Variants in CDK7 observed in about 807,000 individuals in gnomAD.
CDK7 encodes the protein cyclin dependent kinase 7.
Under a neutral mutation model 49.1 loss-of-function variants are expected in CDK7, and 25 were observed. The ratio of observed to expected loss-of-function variants is 0.51; its 90% CI spans 0.37 to 0.71. The LOEUF is 0.71. CDK7 is among the 30% of genes least tolerant of loss of function. CDK7 has a pLI of 0.00. For synonymous variants in CDK7, 107 were observed against 140.0 expected, an observed-to-expected ratio of 0.76 and a Z score of 1.67; for missense variants, 316 against 411.7, an observed-to-expected ratio of 0.77 and a Z score of 2.01.
At chr5:69,246,428 C>T (rs2150192597) in intron 2 of CDK7, among the ~76,000 whole-genome samples, 1 of 152,190 alleles carries the variant, frequency 6.6e-6, no homozygotes, top group Middle Eastern at 3.4e-3. Context: ...AGCCACCGCA[C>T]CCGGCCAGAA....
intron 2 of CDK7, among the ~76,000 whole-genome samples, chr5:69,251,952 TAAC>T (rs1750172535): frequency 1.3e-5 from 2 of 152,230 alleles, no homozygotes; most frequent in Non-Finnish European, 2.9e-5. Flanking sequence ...TTATTCAGAG[TAAC>T]AACATTTTAA....
chr5:69,267,876 A>G (rs1315533265), intron 8 of CDK7, among the ~76,000 whole-genome samples: 2 of 152,212 alleles, frequency 1.3e-5, no homozygotes, highest in African/African-American at 4.8e-5. Context: ...GTGCCCTACA[A>G]AAAACAAAAG....
chr5:69,273,008 AT>A lies in CDK7; in HGVS notation c.834del (p.Phe278LeufsTer13), dbSNP rs1368492211. On this transcript the variant is annotated frameshift_variant, in exon 10 of 12. Transcript: ENST00000256443. LOFTEE classifies it high-confidence loss of function. ...LLDLIQGLFL[F>X]NPCARITATQ... ...TAGATCTCATACAAGGCTTATTCTT[AT>A]TTAATCCATGTGCTCGAATTACGGC... is the stretch of plus-strand genomic sequence containing the variant. The A allele has an allele frequency of 1.3e-6, 2 of 1,574,906 alleles. No homozygotes were observed. Among genetic ancestry groups the A allele is most frequent in the African/African-American group, 2.7e-5 (2 of 73,678 alleles).
At chr5:69,235,247 A>G in intron 1 of CDK7, 147 bp from the exon 2 acceptor site, 1 of 772,056 alleles carries the variant, frequency 1.3e-6, no homozygotes, top group Non-Finnish European at 2.2e-6. Context: ...AGTAGCCTGG[A>G]GCTGGACGGA....
chr5:69,261,808 C>T (rs1381514829), intron 7 of CDK7, among the ~76,000 whole-genome samples: 4 of 152,076 alleles, frequency 2.6e-5, no homozygotes, highest in African/African-American at 9.7e-5. Context: ...GGATTACAGG[C>T]GTGAGCCACC....
intron 6 of CDK7, among the ~76,000 whole-genome samples, chr5:69,259,585 A>G (rs769090066): frequency 1.3e-5 from 2 of 152,196 alleles, no homozygotes; most frequent in African/African-American, 2.4e-5. Context: ...CAGAAACTCT[A>G]TGAAGTATGT....
At chr5:69,269,341 GTTCT>G in intron 9 of CDK7, 48 bp downstream of exon 9, 1 of 1,316,450 alleles carries the variant, frequency 7.6e-7, no homozygotes, top group Non-Finnish European at 1.1e-6. Context: ...ACTCTGTAAA[GTTCT>G]TAAACTGTCA....
intron 10 of CDK7, 126 bp from the exon 11 acceptor site, chr5:69,276,412 ATTTTG>A (rs1752144834): frequency 1.4e-6 from 1 of 729,438 alleles, no homozygotes; most frequent in Admixed American, 2.8e-5. Context: ...CTTGACATTA[ATTTTG>A]TTTTGTTGGG....
chr5:69,235,314 T>G, intron 1 of CDK7, 80 bp from the exon 2 acceptor site: 1 of 1,108,236 alleles, frequency 9.0e-7, no homozygotes, highest in South Asian at 1.3e-5. Context: ...CTGGGCTCTT[T>G]GCTTCGCGAA....
At chr5:69,262,986 A>G (rs1580323568) in intron 8 of CDK7, among the ~76,000 whole-genome samples, 1 of 152,180 alleles carries the variant, frequency 6.6e-6, no homozygotes, top group East Asian at 1.9e-4. Flanking sequence ...TATAATACCA[A>G]CCACTGCAGC....
intron 10 of CDK7, among the ~76,000 whole-genome samples, chr5:69,273,591 C>T (rs1751790961): frequency 6.6e-6 from 1 of 152,058 alleles, no homozygotes; most frequent in Non-Finnish European, 1.5e-5. Flanking sequence ...AAAACTGAAA[C>T]TAACTGCTGT....
intron 10 of CDK7, among the ~76,000 whole-genome samples, chr5:69,273,620 T>TGTTAAAAGGAAATGAAAATGTTAAAAGGA (rs1751795852): frequency 1.3e-5 from 2 of 152,084 alleles, no homozygotes; most frequent in African/African-American, 4.8e-5. Flanking sequence ...AATAACAAAC[T>TGTTAAAAGGAAATGAAAATGTTAAAAGGA]CATGAAAAAT....
chr5:69,255,385 T>A, intron 4 of CDK7, 75 bp from the exon 5 acceptor site: 2 of 785,126 alleles, frequency 2.5e-6, no homozygotes, highest in Middle Eastern at 4.0e-4. Context: ...TTTAAATTTT[T>A]AAAAATTGCC....
chr5:69,245,308 TCCCCC>T, intron 2 of CDK7, among the ~76,000 whole-genome samples: 1 of 84,122 alleles, frequency 1.2e-5, no homozygotes, highest in Non-Finnish European at 2.3e-5. Context: ...CCCCTCCCCT[TCCCCC>T]TCCCCTTCCC....
intron 3 of CDK7, among the ~76,000 whole-genome samples, chr5:69,253,616 A>G (rs190142679): frequency 1.2e-4 from 19 of 152,260 alleles, no homozygotes; most frequent in African/African-American, 4.1e-4. Context: ...ATACTATCTT[A>G]TCACTAGTTT....
At chr5:69,247,791 TATAAC>T (rs1223247627) in intron 2 of CDK7, among the ~76,000 whole-genome samples, 1 of 152,200 alleles carries the variant, frequency 6.6e-6, no homozygotes, top group Non-Finnish European at 1.5e-5. Flanking sequence ...TTGCAAATAA[TATAAC>T]CCATTATTTT....
chr5:69,263,743 A>G (rs757103703), intron 8 of CDK7, among the ~76,000 whole-genome samples: 4 of 152,294 alleles, frequency 2.6e-5, no homozygotes, highest in East Asian at 1.9e-4. Flanking sequence ...AACCACCACA[A>G]TCCATTCATG....
intron 2 of CDK7, among the ~76,000 whole-genome samples, chr5:69,240,403 ATGTC>A (rs1178649377): frequency 2.0e-5 from 3 of 152,156 alleles, no homozygotes; most frequent in South Asian, 2.1e-4. Flanking sequence ...TTATGTAAGA[ATGTC>A]TGTATTTTAG....
chr5:69,277,179 A>C lies in CDK7; in HGVS notation c.*44A>C. ...TTTTACTACTGAGGGAAATAGCCAA[A>C]AAGGCAAATAATGGAAAAATAGTAA... On this transcript the variant is annotated 3_prime_UTR_variant, in exon 12 of 12. Coordinates refer to ENST00000256443, the MANE Select transcript of CDK7 (RefSeq NM_001799.4). 1 of 1,442,418 alleles carries C rather than the reference A, an allele frequency of 6.9e-7. No homozygotes were observed. Among genetic ancestry groups the C allele is most frequent in the Non-Finnish European group, 9.5e-7 (1 of 1,053,364 alleles). 89.4% of individuals were successfully genotyped at this position (1,442,418 alleles called of 1,614,324 possible). A position where few individuals can be genotyped will look rare whatever the true frequency, so the allele number is the denominator to read the frequency against.
Sources: gnomAD v4.1 joint callset for allele counts (sites outside exome capture counted in the v4.1 genomes callset) on GRCh38, gnomAD v4.1.1 for gene constraint, MANE v1.5 for transcripts, NCBI Gene and HGNC (gene_info 2026-07-23, HGNC 2026-07-21) for gene names.